The following DGKB variants were observed in gnomAD, a reference collection of about 807,000 sequenced individuals.
DGKB encodes the protein 90 kDa diacylglycerol kinase.
In DGKB, 67 loss-of-function variants were observed where a neutral mutation model predicts 114.3. The observed-to-expected ratio is 0.59, with a 90% confidence interval of 0.48 to 0.72. The LOEUF (loss-of-function observed/expected upper bound fraction) is 0.72, where lower values mean the gene tolerates loss of function less well. Among genes scored for constraint, DGKB ranks in the 30% least tolerant of loss-of-function variants. The pLI is 0.00. For missense variants in DGKB, 907 were observed against 975.2 expected (o/e 0.93, Z 0.93); for synonymous variants, 398 against 323.1 (o/e 1.23, Z -2.49).
intron 2 of DGKB, among the ~76,000 whole-genome samples, chr7:14,834,626 T>C (rs1336941945): frequency 2.0e-5 from 3 of 152,124 alleles, no homozygotes; most frequent in African/African-American, 4.8e-5. Context: ...CTGTAGACAA[T>C]GTGAGATGAA....
intron 2 of DGKB, among the ~76,000 whole-genome samples, chr7:14,834,014 G>A (rs563232378): frequency 6.6e-6 from 1 of 152,210 alleles, no homozygotes; most frequent in South Asian, 2.1e-4. Flanking sequence ...ATACAGTTAA[G>A]TTCCTCTAGC....
chr7:14,326,048 A>C (rs1808652347), intron 23 of DGKB, among the ~76,000 whole-genome samples: 1 of 151,542 alleles, frequency 6.6e-6, no homozygotes, highest in Admixed American at 6.6e-5. Flanking sequence ...CCTGGCAAAG[A>C]TAATTAGGTC....
chr7:14,227,641 T>C (rs866280962), intron 23 of DGKB, among the ~76,000 whole-genome samples: 1 of 151,982 alleles, frequency 6.6e-6, no homozygotes, highest in African/African-American at 2.4e-5. Flanking sequence ...GCAATCTTGT[T>C]TATTGGCCTA....
At chr7:14,261,615 A>G (rs1166261461) in intron 23 of DGKB, among the ~76,000 whole-genome samples, 3 of 152,198 alleles carry the variant, frequency 2.0e-5, no homozygotes, top group African/African-American at 4.8e-5. Flanking sequence ...TAATCCATTC[A>G]ATATATAGTC....
At chr7:14,713,530 A>T (rs375211632) in intron 6 of DGKB, among the ~76,000 whole-genome samples, 14 of 152,202 alleles carry the variant, frequency 9.2e-5, no homozygotes, top group East Asian at 7.7e-4. Context: ...AACAAAAGAC[A>T]GCTTTTCAAA....
chr7:14,930,717 T>C (rs1199336412), intron 1 of DGKB, among the ~76,000 whole-genome samples: 1 of 152,202 alleles, frequency 6.6e-6, no homozygotes, highest in African/African-American at 2.4e-5. Context: ...TGCCTAATTG[T>C]TCTGCCTAGG....
chr7:14,254,131 G>A (rs1376060103), intron 23 of DGKB, among the ~76,000 whole-genome samples: 2 of 152,114 alleles, frequency 1.3e-5, no homozygotes, highest in African/African-American at 2.4e-5. Context: ...GAAAATTTTC[G>A]ATCTAGAGGA....
rs144358940 is a variant in DGKB at position 14,778,194 on chromosome 7, A to C, written c.71-20463T>G. 5.3e-3 allele frequency among the ~76,000 whole-genome samples: 802 copies of C among 152,324 alleles called. 4 individuals carry two copies. The highest frequency in any genetic ancestry group is 7.0e-3 in the Non-Finnish European group (477 of 68,024). On this transcript the variant is annotated intron_variant, in intron 2 of 25. Transcript: ENST00000402815. ...AGAGAACAGGATTCAGAGTTAAAAG[A>C]CCTGTGCAAGTGGGGCAAATACATT...
chr7:14,884,659 C>T (rs1854748045), intron 1 of DGKB, among the ~76,000 whole-genome samples: 2 of 151,890 alleles, frequency 1.3e-5, no homozygotes, highest in South Asian at 2.1e-4. Flanking sequence ...AATAAACCCT[C>T]ATCTCAGGCT....
intron 23 of DGKB, among the ~76,000 whole-genome samples, chr7:14,183,439 T>C (rs969635568): frequency 3.3e-5 from 5 of 152,182 alleles, no homozygotes; most frequent in Admixed American, 3.3e-4. Flanking sequence ...AGTACAAGTA[T>C]GTAAAACATA....
intron 2 of DGKB, among the ~76,000 whole-genome samples, chr7:14,831,352 C>G (rs1037156984): frequency 6.6e-6 from 1 of 151,956 alleles, no homozygotes; most frequent in Non-Finnish European, 1.5e-5. Context: ...CTTCATGTTT[C>G]TGTACATTTC....
chr7:14,225,938 T>C (rs1790736723), intron 23 of DGKB, among the ~76,000 whole-genome samples: 1 of 152,012 alleles, frequency 6.6e-6, no homozygotes, highest in Non-Finnish European at 1.5e-5. Context: ...TTTAAAAATA[T>C]TACTGTCCTC....
chr7:14,678,884 A>G (rs766856898), intron 12 of DGKB, among the ~76,000 whole-genome samples: 1 of 152,016 alleles, frequency 6.6e-6, no homozygotes, highest in African/African-American at 2.4e-5. Flanking sequence ...AGACTCAGTG[A>G]CAGGTTGTGT....
intron 2 of DGKB, among the ~76,000 whole-genome samples, chr7:14,777,037 A>C (rs1160977023): frequency 6.6e-6 from 1 of 152,208 alleles, no homozygotes; most frequent in Non-Finnish European, 1.5e-5. Context: ...ATGGAGTCAA[A>C]GGAGATCATT....
chr7:14,345,996 T>C (rs1054375676), intron 21 of DGKB, among the ~76,000 whole-genome samples: 28 of 151,336 alleles, frequency 1.9e-4, no homozygotes, highest in African/African-American at 6.8e-4. Flanking sequence ...TATCTAGTAT[T>C]GGATTTGAAA....
intron 21 of DGKB, among the ~76,000 whole-genome samples, chr7:14,439,206 T>C (rs1159680298): frequency 6.6e-6 from 1 of 152,158 alleles, no homozygotes; most frequent in East Asian, 1.9e-4. Flanking sequence ...TCATTCCTGG[T>C]ATTAGCTAAT....
chr7:14,490,670 C>T (rs935639789), intron 20 of DGKB, among the ~76,000 whole-genome samples: 3 of 152,106 alleles, frequency 2.0e-5, no homozygotes, highest in Admixed American at 1.3e-4. Flanking sequence ...TTCCAGTTGT[C>T]CTGGGAAAAG....
intron 2 of DGKB, among the ~76,000 whole-genome samples, chr7:14,791,947 G>A (rs1042384442): frequency 6.6e-6 from 1 of 151,810 alleles, no homozygotes; most frequent in African/African-American, 2.4e-5. Flanking sequence ...TTACTCTTTG[G>A]TTCTGGTATC....
chr7:14,720,497 G>A (rs1463405236), intron 5 of DGKB, among the ~76,000 whole-genome samples: 1 of 150,042 alleles, frequency 6.7e-6, no homozygotes, highest in African/African-American at 2.5e-5. Flanking sequence ...GTGTGTGTGT[G>A]TGTGTGTGTG....
Sources: allele counts gnomAD v4.1 joint callset (sites outside exome capture counted in the v4.1 genomes callset), GRCh38; gene constraint gnomAD v4.1.1; transcripts MANE v1.5; gene names NCBI Gene and HGNC (gene_info 2026-07-23, HGNC 2026-07-21).